NTM: variants seen among roughly 807,000 people sequenced by gnomAD.
NTM encodes the protein IgLON family member 2.
NTM carries 13 observed loss-of-function variants against 42.1 expected under a neutral mutation model. The observed-to-expected ratio is 0.31, with a 90% CI of 0.20 to 0.49. NTM has a LOEUF of 0.49. Ranked by LOEUF, NTM falls within the 20% of genes least tolerant of loss-of-function variation. The pLI, the probability that NTM is intolerant of heterozygous loss-of-function variation, is 0.99. For missense variants in NTM, 373 were observed against 452.8 expected (o/e 0.82, Z 1.60); for synonymous variants, 187 against 179.2 (o/e 1.04, Z -0.35).
At chr11:131,770,729 T>C (rs531142502) in intron 1 of NTM, 10 of 152,306 alleles carry the variant, frequency 6.6e-5, no homozygotes, top group African/African-American at 2.4e-4. Context: ...CTCTCCCAGT[T>C]GGGAACACTG....
intron 1 of NTM, among the ~76,000 whole-genome samples, chr11:131,411,349 G>C (rs1217541171): frequency 6.6e-6 from 1 of 152,134 alleles, no homozygotes; most frequent in East Asian, 1.9e-4. Context: ...CTGGTTCCTA[G>C]TTGGCACTGA....
chr11:132,036,603 A>G (rs1032415659), intron 2 of NTM, among the ~76,000 whole-genome samples: 4 of 152,208 alleles, frequency 2.6e-5, no homozygotes, highest in African/African-American at 9.6e-5. Flanking sequence ...TATCTGGGAC[A>G]CAAATGACAG....
intron 4 of NTM, among the ~76,000 whole-genome samples, chr11:132,219,383 C>A (rs188117969): frequency 6.6e-6 from 1 of 152,172 alleles, no homozygotes; most frequent in Non-Finnish European, 1.5e-5. Flanking sequence ...GCTGTTTTGT[C>A]TTTAGTGTCT....
chr11:132,198,864 T>C (rs2080721454), intron 3 of NTM, among the ~76,000 whole-genome samples: 1 of 152,218 alleles, frequency 6.6e-6, no homozygotes, highest in South Asian at 2.1e-4. Context: ...AATTTTGAAC[T>C]TTTGAATTCA....
chr11:132,039,666 T>C (rs1166238119), intron 2 of NTM, among the ~76,000 whole-genome samples: 1 of 152,022 alleles, frequency 6.6e-6, no homozygotes. Context: ...GGGAACTTAA[T>C]GGGCAGAGAG....
At chr11:131,675,546 AG>A (rs2071228095) in intron 1 of NTM, among the ~76,000 whole-genome samples, 1 of 152,182 alleles carries the variant, frequency 6.6e-6, no homozygotes, top group Non-Finnish European at 1.5e-5. Flanking sequence ...TAAGGGAGGT[AG>A]GATTATCTCA....
intron 3 of NTM, among the ~76,000 whole-genome samples, chr11:132,149,481 A>C (rs907981805): frequency 3.9e-5 from 6 of 152,234 alleles, no homozygotes; most frequent in African/African-American, 2.4e-5. Context: ...ATGTGTATTT[A>C]TGTATATGTA....
intron 2 of NTM, among the ~76,000 whole-genome samples, chr11:131,965,190 G>A (rs934034834): frequency 2.0e-5 from 3 of 152,138 alleles, no homozygotes; most frequent in Non-Finnish European, 4.4e-5. Context: ...AGGAGAAAGA[G>A]TATCAGGAGG....
At chr11:131,598,905 TTCCTTCCTTCCTTC>T (rs1360865396) in intron 1 of NTM, among the ~76,000 whole-genome samples, 1 of 135,740 alleles carries the variant, frequency 7.4e-6, no homozygotes, top group Admixed American at 7.7e-5. Flanking sequence ...CCTTCCTTCC[TTCCTTCCTTCCTTC>T]CTTCTTTCCT....
At chr11:131,658,523 T>C (rs994983383) in intron 1 of NTM, among the ~76,000 whole-genome samples, 5 of 152,192 alleles carry the variant, frequency 3.3e-5, no homozygotes, top group Non-Finnish European at 7.3e-5. Flanking sequence ...TTCTCTCTTA[T>C]TCAAGAGTAA....
chr11:131,670,698 C>T (rs789513), intron 1 of NTM, among the ~76,000 whole-genome samples: 109,346 of 152,076 alleles, frequency 0.72, 39,411 homozygotes, highest in East Asian at 0.78. Flanking sequence ...CCTTCTCCTC[C>T]CTGCCTCACT....
chr11:132,256,811 C>T (rs186534296), intron 4 of NTM, among the ~76,000 whole-genome samples: 16 of 152,326 alleles, frequency 1.1e-4, no homozygotes, highest in Admixed American at 4.6e-4. Flanking sequence ...CGATTCCAGC[C>T]GCAGGAGAGT....
intron 2 of NTM, among the ~76,000 whole-genome samples, chr11:132,066,924 C>T (rs1255401709): frequency 6.6e-6 from 1 of 151,920 alleles, no homozygotes; most frequent in Non-Finnish European, 1.5e-5. Context: ...CCACAGATTC[C>T]AGGGATTAGG....
At chr11:131,890,530 A>T (rs1372975339) in intron 1 of NTM, among the ~76,000 whole-genome samples, 1 of 152,178 alleles carries the variant, frequency 6.6e-6, no homozygotes, top group Non-Finnish European at 1.5e-5. Context: ...TTGTAAGGCA[A>T]AGTTTCACAA....
intron 1 of NTM, among the ~76,000 whole-genome samples, chr11:131,623,726 C>A (rs1437308396): frequency 6.6e-6 from 1 of 152,230 alleles, no homozygotes; most frequent in Non-Finnish European, 1.5e-5. Context: ...TGGGCCAGGC[C>A]CACTCTCCCT....
intron 2 of NTM, among the ~76,000 whole-genome samples, chr11:132,108,687 A>C (rs12361919): frequency 6.6e-6 from 1 of 152,106 alleles, no homozygotes; most frequent in African/African-American, 2.4e-5. Flanking sequence ...GAAATAAAAA[A>C]TTTAAAAAAA....
chr11:131,871,766 G>A (rs1229741064), intron 1 of NTM, among the ~76,000 whole-genome samples: 1 of 151,984 alleles, frequency 6.6e-6, no homozygotes, highest in East Asian at 1.9e-4. Context: ...ACCCTGCCCT[G>A]GGCTCCCTGG....
chr11:131,656,611 C>T (rs1346399193), intron 1 of NTM, among the ~76,000 whole-genome samples: 3 of 152,176 alleles, frequency 2.0e-5, no homozygotes, highest in Non-Finnish European at 2.9e-5. Flanking sequence ...GGAGGCAGAG[C>T]TCCTGCTGAT....
chr11:131,798,310 G>A (rs1446975990), intron 1 of NTM, among the ~76,000 whole-genome samples: 1 of 152,124 alleles, frequency 6.6e-6, no homozygotes, highest in Non-Finnish European at 1.5e-5. Context: ...CCGAGAACTG[G>A]CACAGTGCTG....
Sources: gnomAD v4.1 joint callset for allele counts (sites outside exome capture counted in the v4.1 genomes callset) on GRCh38, gnomAD v4.1.1 for gene constraint, MANE v1.5 for transcripts, NCBI Gene and HGNC (gene_info 2026-07-23, HGNC 2026-07-21) for gene names.